The following SLC28A1 variants were observed in gnomAD, a reference collection of about 807,000 sequenced individuals.
SLC28A1 encodes sodium/nucleoside cotransporter 1.
Under a neutral mutation model 74.8 loss-of-function variants are expected in SLC28A1, and 64 were observed. The observed-to-expected ratio is 0.86, with a 90% CI of 0.70 to 1.05. SLC28A1 has a LOEUF of 1.05. Among genes scored for constraint, SLC28A1 ranks in the 50% least tolerant of loss-of-function variants. The pLI, the probability that SLC28A1 is intolerant of heterozygous loss-of-function variation, is 0.00. For missense variants in SLC28A1, 828 were observed against 822.8 expected, an observed-to-expected ratio of 1.01 and a Z score of -0.08; for synonymous variants, 359 against 335.0, an observed-to-expected ratio of 1.07 and a Z score of -0.78.
Position 84,904,124 on chromosome 15 carries a change from C to A in SLC28A1, c.489C>A (p.Gly163=). ...GTCTAGCTCTTGCTGCTTTCCTGGGCCTGGTCCTGTGGCTGTCTCTGGACA... is the reference window on the plus strand; with the variant it reads ...GTCTAGCTCTTGCTGCTTTCCTGGGACTGGTCCTGTGGCTGTCTCTGGACA... ...KRGLALAAFL[G]LVLWLSLDTS... The change falls in exon 7 of 19, where the codon GGC becomes GGA. Residue 163 remains glycine (G), a synonymous_variant. Transcript: ENST00000394573. The A allele has an allele frequency of 2.5e-6, 4 of 1,614,184 alleles. No individual in the cohort carries two copies. Among genetic ancestry groups the A allele is most frequent in the Non-Finnish European group, 3.4e-6 (4 of 1,180,042 alleles).
chr15:84,974,800 G>C, the SLC28A1 span, among the ~76,000 whole-genome samples: 1 of 151,860 alleles, frequency 6.6e-6, no homozygotes, highest in Non-Finnish European at 1.5e-5. Flanking sequence ...GGGGAGTCGG[G>C]GATTGTGAGG....
chr15:84,908,635 C>T (rs1387336289), intron 8 of SLC28A1, 83 bp from the exon 9 acceptor site: 31 of 1,225,550 alleles, frequency 2.5e-5, no homozygotes, highest in African/African-American at 1.5e-4. Flanking sequence ...TGGGCCAACC[C>T]GCCTGTCTCT....
chr15:84,961,560 T>C, the SLC28A1 span: 1 of 450,986 alleles, frequency 2.2e-6, no homozygotes, highest in South Asian at 1.6e-5. Flanking sequence ...AGGCTGGTCT[T>C]GAACTCCTGG....
At chr15:84,903,817 A>G (rs956721377) in intron 6 of SLC28A1, among the ~76,000 whole-genome samples, 2 of 152,194 alleles carry the variant, frequency 1.3e-5, no homozygotes, top group African/African-American at 4.8e-5. Context: ...ATCCCCTTAT[A>G]TAATCCTCTC....
At chr15:84,889,728 CCTTCCTTCCTTCCTTCCTT>C (rs1965108670) in intron 4 of SLC28A1, among the ~76,000 whole-genome samples, 1 of 81,718 alleles carries the variant, frequency 1.2e-5, no homozygotes, top group South Asian at 5.2e-4. Flanking sequence ...TTCCTTCCTT[CCTTCCTTCCTTCCTTCCTT>C]CCTTCCTTCC....
At chr15:84,975,153 T>C in the SLC28A1 span, among the ~76,000 whole-genome samples, 531 of 152,322 alleles carry the variant, frequency 3.5e-3, 2 homozygotes, top group African/African-American at 0.012. Flanking sequence ...AGGGCCAACA[T>C]AGTACTCAGC....
chr15:84,935,647 A>G (rs1476782208), intron 15 of SLC28A1, 129 bp downstream of exon 15: 8 of 763,030 alleles, frequency 1.0e-5, no homozygotes, highest in Admixed American at 4.3e-5. Context: ...TTCACCTCCT[A>G]CATCCTGTAG....
At chr15:84,928,870 G>T (rs899529155) in intron 12 of SLC28A1, among the ~76,000 whole-genome samples, 9 of 151,630 alleles carry the variant, frequency 5.9e-5, no homozygotes, top group Non-Finnish European at 1.0e-4. Flanking sequence ...TGATCCACCC[G>T]CCTCGGCCTC....
At chr15:84,894,816 A>T (rs1294455567) in intron 5 of SLC28A1, 124 bp from the exon 6 acceptor site, 5 of 892,326 alleles carry the variant, frequency 5.6e-6, no homozygotes. Context: ...AGGCTCAGTG[A>T]GGTTGGGTGA....
intron 12 of SLC28A1, among the ~76,000 whole-genome samples, chr15:84,928,576 T>TTCTCTCTC (rs1970825865): frequency 5.6e-5 from 1 of 17,976 alleles, no homozygotes; most frequent in African/African-American, 4.1e-4. Flanking sequence ...CTTTCTTTCT[T>TTCTCTCTC]TCTTTCTTTC....
chr15:84,929,427 C>G (rs1415156970), intron 12 of SLC28A1, among the ~76,000 whole-genome samples: 1 of 151,760 alleles, frequency 6.6e-6, no homozygotes, highest in African/African-American at 2.4e-5. Context: ...GCCTGTAACC[C>G]CAGCTACTCA....
rs910524730 is a variant in SLC28A1 at position 84,921,550 on chromosome 15, G to A, written c.957+481G>A. Reference sequence around the variant, plus strand: ...ACTCTGAAAGTACCCTTGGTGCCGAGTCCCTTTCAGAAAGCCTGATCCCCC... The same window carrying A: ...ACTCTGAAAGTACCCTTGGTGCCGAATCCCTTTCAGAAAGCCTGATCCCCC... On this transcript the variant is annotated intron_variant, in intron 11 of 18. Transcript: ENST00000394573. Among the ~76,000 whole-genome samples, 17 of 152,246 alleles carry A rather than the reference G, an allele frequency of 1.1e-4. No individual in the cohort carries two copies. The South Asian group carries it at 1.5e-3, about 13-fold the overall frequency.
chr15:84,970,862 CA>C, the SLC28A1 span, among the ~76,000 whole-genome samples: 1 of 151,848 alleles, frequency 6.6e-6, no homozygotes, highest in Admixed American at 6.6e-5. Flanking sequence ...AAAAACAAAA[CA>C]AAACAAAAAA....
the SLC28A1 span, among the ~76,000 whole-genome samples, chr15:84,952,632 T>C: frequency 0.074 from 11,341 of 152,300 alleles, 606 homozygotes; most frequent in Non-Finnish European, 0.11. Context: ...ACGCCTGTAA[T>C]CCCAGCACTT....
Position 84,933,130 on chromosome 15 carries a change from C to T in SLC28A1, c.1084-15C>T, listed in dbSNP as rs1182168519. On this transcript the variant is annotated splice_polypyrimidine_tract_variant and intron_variant, in intron 12 of 18. Transcript: ENST00000394573. ...TCTGACTGTCCACCTAGAACCTGCA[C>T]TCTCACTCTTGCAGATCGATGCCAC... 7.4e-6 allele frequency: 12 copies of T among 1,612,470 alleles called. No homozygotes were observed. The highest frequency in any genetic ancestry group is 9.3e-6 in the Non-Finnish European group (11 of 1,179,224).
intron 9 of SLC28A1, among the ~76,000 whole-genome samples, chr15:84,915,560 T>G (rs537943900): frequency 2.8e-4 from 42 of 152,270 alleles, no homozygotes; most frequent in Non-Finnish European, 5.7e-4. Context: ...ATGTCTCACT[T>G]CCACCTTGGC....
intron 2 of SLC28A1, chr15:84,887,501 C>T: frequency 2.0e-6 from 2 of 982,460 alleles, no homozygotes; most frequent in South Asian, 4.7e-5. Context: ...CTGTGCAACA[C>T]AGGGAGACCC....
chr15:84,924,244 G>T (rs1244189932), intron 12 of SLC28A1, 134 bp downstream of exon 12: 13 of 1,118,664 alleles, frequency 1.2e-5, no homozygotes, highest in Non-Finnish European at 1.7e-5. Context: ...AAGAGGAGTG[G>T]CTTCCCCTGA....
rs1023604825 is a variant in SLC28A1, at chr15:84,920,393, C to T, written c.877-596C>T. Among the ~76,000 whole-genome samples the T allele has an allele frequency of 4.0e-5, 6 of 150,798 alleles. No individual in the cohort carries two copies. In the South Asian group the frequency reaches 1.1e-3, roughly 27 times the overall value. On this transcript the variant is annotated intron_variant, in intron 10 of 18. Coordinates refer to ENST00000394573, the MANE Select transcript of SLC28A1 (RefSeq NM_004213.5). ...CCTGGGAGGCAGAGGTTGCAGTGAG[C>T]CAAGATTGTGCCACCGCACTCCAGC...
Sources: allele counts gnomAD v4.1 joint callset (sites outside exome capture counted in the v4.1 genomes callset), GRCh38; gene constraint gnomAD v4.1.1; transcripts MANE v1.5; gene names NCBI Gene and HGNC (gene_info 2026-07-23, HGNC 2026-07-21).